Variants in ALG12 observed in about 807,000 individuals in gnomAD.
ALG12 encodes ALG12 alpha-1,6-mannosyltransferase, also known as dol-P-Man:Man(7)GlcNAc(2)-PP-Dol alpha-1,6-mannosyltransferase.
Under a neutral mutation model 46.0 loss-of-function variants are expected in ALG12, and 36 were observed. The ratio of observed to expected loss-of-function variants is 0.78; its 90% CI spans 0.60 to 1.03. ALG12 has a LOEUF of 1.03. ALG12 is among the 50% of genes least tolerant of loss of function. The probability of loss-of-function intolerance (pLI) is 0.00; values close to 1 mark genes in which losing one functional copy is unlikely to be tolerated. For missense variants in ALG12, 599 were observed against 633.5 expected, an observed-to-expected ratio of 0.95 and a Z score of 0.58; for synonymous variants, 326 against 291.6, an observed-to-expected ratio of 1.12 and a Z score of -1.20.
the ALG12 span, among the ~76,000 whole-genome samples, chr22:49,878,423 G>A: frequency 2.6e-5 from 4 of 151,934 alleles, no homozygotes; most frequent in Non-Finnish European, 4.4e-5. Context: ...GAGATTGGTG[G>A]AGCGATAGAG....
the ALG12 span, among the ~76,000 whole-genome samples, chr22:49,863,153 C>G: frequency 6.6e-6 from 1 of 152,112 alleles, no homozygotes; most frequent in South Asian, 2.1e-4. Flanking sequence ...TTCCTCTATC[C>G]TTTGGTTTCT....
the ALG12 span, among the ~76,000 whole-genome samples, chr22:49,869,204 G>A: frequency 1.3e-5 from 2 of 152,066 alleles, no homozygotes; most frequent in South Asian, 2.1e-4. Context: ...CAGAGTTGGC[G>A]GTGTCAGTGT....
chr22:49,913,086 C>T (rs570582426), intron 3 of ALG12, among the ~76,000 whole-genome samples: 2 of 152,320 alleles, frequency 1.3e-5, no homozygotes, highest in South Asian at 4.1e-4. Flanking sequence ...GGGGGCTTGC[C>T]AGGTGAGGCG....
chr22:49,893,664 T>C, the ALG12 span, among the ~76,000 whole-genome samples: 8 of 152,220 alleles, frequency 5.3e-5, no homozygotes, highest in African/African-American at 1.9e-4. Context: ...GAGGGAATTC[T>C]CCAGGTGGAC....
At chr22:49,864,193 G>A in the ALG12 span, among the ~76,000 whole-genome samples, 1 of 152,232 alleles carries the variant, frequency 6.6e-6, no homozygotes, top group Non-Finnish European at 1.5e-5. Flanking sequence ...TCACATGGGT[G>A]TGCTTTAATC....
At chr22:49,863,928 C>T in the ALG12 span, among the ~76,000 whole-genome samples, 1 of 152,222 alleles carries the variant, frequency 6.6e-6, no homozygotes, top group South Asian at 2.1e-4. Context: ...CCCCTACAAG[C>T]TGGCTCCTGG....
chr22:49,914,378 G>A (rs1216885345), intron 1 of ALG12, among the ~76,000 whole-genome samples: 1 of 152,254 alleles, frequency 6.6e-6, no homozygotes, highest in African/African-American at 2.4e-5. Flanking sequence ...TCCCAGGAAT[G>A]GTGGGATGGG....
Position 49,904,004 on chromosome 22 carries a change from A to G in ALG12, c.1301T>C (p.Met434Thr). Residue 434 changes from methionine (M) to threonine (T), a missense_variant, in exon 10 of 10, where the codon ATG becomes ACG. Coordinates refer to ENST00000330817, the MANE Select transcript of ALG12 (RefSeq NM_024105.4). ...GGCCAGGAGCCCAGGGGCCGCCTCCATGAGGATGTGTGTGTATGCCAGCAT... is the reference window on the plus strand; with the variant it reads ...GGCCAGGAGCCCAGGGGCCGCCTCCGTGAGGATGTGTGTGTATGCCAGCAT... Reference protein sequence around the residue: ...TGMLAYTHILMEAAPGLLALY... With the variant: ...TGMLAYTHILTEAAPGLLALY... 1 of 1,614,166 alleles carries G rather than the reference A, an allele frequency of 6.2e-7. No homozygotes were observed. Among genetic ancestry groups the G allele is most frequent in the Non-Finnish European group, 8.5e-7 (1 of 1,179,998 alleles).
chr22:49,885,650 C>T, the ALG12 span: 2 of 1,612,894 alleles, frequency 1.2e-6, no homozygotes, highest in Non-Finnish European at 1.7e-6. Flanking sequence ...AGTCTCATAG[C>T]TGAAATGATT....
the ALG12 span, among the ~76,000 whole-genome samples, chr22:49,876,884 C>T: frequency 6.6e-6 from 1 of 152,204 alleles, no homozygotes; most frequent in African/African-American, 2.4e-5. Flanking sequence ...ACACAGCGTT[C>T]CCACACGTGG....
chr22:49,886,237 C>T, the ALG12 span: 20 of 959,302 alleles, frequency 2.1e-5, no homozygotes, highest in Middle Eastern at 2.2e-4. The surrounding 1 kb of genome is among the most constrained non-coding windows in gnomAD (Gnocchi z 7.7). Flanking sequence ...GATCTGCGAG[C>T]GGGTGCACCG....
chr22:49,866,661 A>G, the ALG12 span, among the ~76,000 whole-genome samples: 10 of 152,282 alleles, frequency 6.6e-5, no homozygotes, highest in African/African-American at 2.2e-4. Context: ...TTCTGTGAGC[A>G]TATTTCGTTA....
chr22:49,894,017 TAACTG>T, the ALG12 span, among the ~76,000 whole-genome samples: 1 of 151,818 alleles, frequency 6.6e-6, no homozygotes, highest in African/African-American at 2.4e-5. Context: ...AACAAAAAAT[TAACTG>T]GGCCTGGTGA....
At chr22:49,881,839 ATTTTTTATTTTTC>A in the ALG12 span, among the ~76,000 whole-genome samples, 1 of 151,952 alleles carries the variant, frequency 6.6e-6, no homozygotes, top group African/African-American at 2.4e-5. Context: ...GCCTGTGTTA[ATTTTTTATTTTTC>A]TTTTTTATCT....
the ALG12 span, chr22:49,884,711 C>T: frequency 6.3e-7 from 1 of 1,596,892 alleles, no homozygotes; most frequent in Non-Finnish European, 8.5e-7. Context: ...GGCATCCCGC[C>T]ACTGTACTCC....
chr22:49,867,426 G>A, the ALG12 span, among the ~76,000 whole-genome samples: 3 of 152,226 alleles, frequency 2.0e-5, no homozygotes, highest in Non-Finnish European at 4.4e-5. Flanking sequence ...GTTGGCTGAC[G>A]GTATTGCTCA....
At chr22:49,864,276 C>T in the ALG12 span, among the ~76,000 whole-genome samples, 2 of 152,210 alleles carry the variant, frequency 1.3e-5, no homozygotes, top group East Asian at 3.8e-4. Context: ...ATTGGAATAT[C>T]GCATAATGTC....
chr22:49,897,775 C>G (rs2060489312), downstream of ALG12, among the ~76,000 whole-genome samples: 1 of 150,610 alleles, frequency 6.6e-6, no homozygotes, highest in Admixed American at 6.6e-5. Flanking sequence ...CTTGCCTCAG[C>G]CTCCCAAGGA....
At chr22:49,882,214 T>A in the ALG12 span, among the ~76,000 whole-genome samples, 1 of 152,230 alleles carries the variant, frequency 6.6e-6, no homozygotes, top group Non-Finnish European at 1.5e-5. Context: ...CCTGTGTCCC[T>A]TGAAGAGTTC....
Sources: gnomAD v4.1 joint callset for allele counts (sites outside exome capture counted in the v4.1 genomes callset) on GRCh38, gnomAD v4.1.1 for gene constraint, Gnocchi (gnomAD v3.1) non-coding constraint, MANE v1.5 for transcripts, NCBI Gene and HGNC (gene_info 2026-07-23, HGNC 2026-07-21) for gene names.